LRRTM4: variants seen among roughly 807,000 people sequenced by gnomAD.
LRRTM4 encodes the protein leucine-rich repeat transmembrane neuronal protein 4.
In LRRTM4, 25 loss-of-function variants were observed where a neutral mutation model predicts 47.6. The observed-to-expected ratio is 0.53, with a 90% confidence interval of 0.38 to 0.73. LRRTM4 has a LOEUF of 0.73. Ranked by LOEUF, LRRTM4 falls within the 30% of genes least tolerant of loss-of-function variation. The pLI is 0.00. For synonymous variants in LRRTM4, 311 were observed against 269.5 expected, an observed-to-expected ratio of 1.15 and a Z score of -1.51; for missense variants, 638 against 713.4, an observed-to-expected ratio of 0.89 and a Z score of 1.20.
chr2:77,034,164 A>G (rs1424862257), intron 3 of LRRTM4, among the ~76,000 whole-genome samples: 3 of 151,894 alleles, frequency 2.0e-5, no homozygotes, highest in Non-Finnish European at 1.5e-5. Context: ...GAAAATTTTC[A>G]TTATAGAATC....
intron 3 of LRRTM4, among the ~76,000 whole-genome samples, chr2:76,821,773 C>T (rs1553414910): frequency 6.6e-6 from 1 of 151,474 alleles, no homozygotes; most frequent in African/African-American, 2.4e-5. Flanking sequence ...TTTTTTTTCC[C>T]AAATGTCAAC....
chr2:77,142,135 A>G (rs1672140417), intron 3 of LRRTM4, among the ~76,000 whole-genome samples: 1 of 152,182 alleles, frequency 6.6e-6, no homozygotes, highest in African/African-American at 2.4e-5. Context: ...CACAAGCTTG[A>G]CATTCTGGAA....
chr2:76,888,819 C>T (rs1673161268), intron 3 of LRRTM4, among the ~76,000 whole-genome samples: 1 of 151,722 alleles, frequency 6.6e-6, no homozygotes, highest in Non-Finnish European at 1.5e-5. Context: ...TCCAAAAGAA[C>T]AATTTTTTAT....
intron 3 of LRRTM4, among the ~76,000 whole-genome samples, chr2:77,244,233 G>A (rs372114752): frequency 6.5e-5 from 9 of 138,590 alleles, no homozygotes; most frequent in African/African-American, 2.2e-4. Flanking sequence ...ATAAACATAC[G>A]TGTGCATGTG....
intron 3 of LRRTM4, among the ~76,000 whole-genome samples, chr2:77,279,110 T>C (rs1676442267): frequency 6.6e-6 from 1 of 151,722 alleles, no homozygotes; most frequent in Non-Finnish European, 1.5e-5. Context: ...ACATTGGAGG[T>C]CCAACAAACA....
At chr2:77,298,413 T>G (rs1677034594) in intron 3 of LRRTM4, among the ~76,000 whole-genome samples, 1 of 152,110 alleles carries the variant, frequency 6.6e-6, no homozygotes, top group South Asian at 2.1e-4. Flanking sequence ...ATTTTTTGTA[T>G]TTTTAGTGGA....
chr2:76,893,947 A>T (rs1573269131), intron 3 of LRRTM4, among the ~76,000 whole-genome samples: 1 of 151,956 alleles, frequency 6.6e-6, no homozygotes, highest in African/African-American at 2.4e-5. Context: ...CCTCACAAAC[A>T]TAAGCAGATA....
chr2:77,244,094 A>G (rs1187859766), intron 3 of LRRTM4, among the ~76,000 whole-genome samples: 17 of 133,862 alleles, frequency 1.3e-4, no homozygotes, highest in African/African-American at 4.4e-4. Context: ...TACAAAGGAC[A>G]TGAACTCATC....
chr2:77,302,073 C>A (rs1222642341), intron 3 of LRRTM4, among the ~76,000 whole-genome samples: 1 of 152,116 alleles, frequency 6.6e-6, no homozygotes, highest in African/African-American at 2.4e-5. Context: ...GAAATTGGCT[C>A]ATTTTCCATG....
chr2:77,351,789 G>T (rs1671789192), intron 3 of LRRTM4, among the ~76,000 whole-genome samples: 1 of 151,768 alleles, frequency 6.6e-6, no homozygotes, highest in Non-Finnish European at 1.5e-5. Flanking sequence ...AGTAAAATGA[G>T]GAACAAAAAG....
chr2:77,031,461 T>C (rs1401863641), intron 3 of LRRTM4, among the ~76,000 whole-genome samples: 1 of 152,198 alleles, frequency 6.6e-6, no homozygotes, highest in East Asian at 1.9e-4. Context: ...TGTTTATTAG[T>C]TATTTCCTAA....
chr2:76,793,431 A>AAGAATCAAGT (rs1675083927), intron 3 of LRRTM4, among the ~76,000 whole-genome samples: 1 of 152,084 alleles, frequency 6.6e-6, no homozygotes, highest in Admixed American at 6.5e-5. Flanking sequence ...TCCAAAGCAA[A>AAGAATCAAGT]AGAATCAAGT....
In LRRTM4 at chr2:77,384,809, C is replaced by T. The variant is rs564228871; in HGVS notation, c.1551+133509G>A. 2.4e-4 allele frequency among the ~76,000 whole-genome samples: 36 copies of T among 152,016 alleles called. 1 individual carries two copies. The highest frequency in any genetic ancestry group is 7.7e-4 in the African/African-American group (32 of 41,508). ...CAACAAATCTGTAAAGGAAAGTAAG[C>T]GAAAATGGATCAAGCTCAGATTTAA... On this transcript the variant is annotated intron_variant, in intron 3 of 3. Transcript: ENST00000409884.
intron 3 of LRRTM4, among the ~76,000 whole-genome samples, chr2:77,198,330 G>A (rs1414363243): frequency 6.6e-6 from 1 of 152,146 alleles, no homozygotes; most frequent in Non-Finnish European, 1.5e-5. Flanking sequence ...AGTAGGGCTG[G>A]GAGTTCTGTC....
intron 3 of LRRTM4, among the ~76,000 whole-genome samples, chr2:76,847,081 C>T (rs913980446): frequency 6.6e-6 from 1 of 152,078 alleles, no homozygotes; most frequent in African/African-American, 2.4e-5. Context: ...TATCAAGAAC[C>T]AACTAGAGCA....
At chr2:77,182,981 C>T (rs983044364) in intron 3 of LRRTM4, among the ~76,000 whole-genome samples, 5 of 152,166 alleles carry the variant, frequency 3.3e-5, no homozygotes, top group Admixed American at 2.6e-4. Context: ...CATAAAAGCC[C>T]TAGAAGAAAA....
intron 3 of LRRTM4, among the ~76,000 whole-genome samples, chr2:76,956,283 T>G (rs919155829): frequency 6.6e-6 from 1 of 151,156 alleles, no homozygotes; most frequent in Non-Finnish European, 1.5e-5. Flanking sequence ...TAGAAATTAA[T>G]AGCAGAATAA....
chr2:76,994,756 G>A (rs1431091475), intron 3 of LRRTM4, among the ~76,000 whole-genome samples: 9 of 151,926 alleles, frequency 5.9e-5, no homozygotes, highest in African/African-American at 2.2e-4. Context: ...GGTATTTATA[G>A]TAAAGGAAAT....
chr2:77,347,617 T>C (rs1292657217), intron 3 of LRRTM4, among the ~76,000 whole-genome samples: 1 of 152,064 alleles, frequency 6.6e-6, no homozygotes, highest in Non-Finnish European at 1.5e-5. Flanking sequence ...ATATACAGTT[T>C]TATAAAATAT....
Sources: allele counts gnomAD v4.1 joint callset (sites outside exome capture counted in the v4.1 genomes callset), GRCh38; gene constraint gnomAD v4.1.1; transcripts MANE v1.5; gene names NCBI Gene and HGNC (gene_info 2026-07-23, HGNC 2026-07-21).